Variants in SYCP2L observed in about 807,000 individuals in gnomAD.
The protein encoded by SYCP2L is synaptonemal complex protein 2 like.
SYCP2L carries 98 observed loss-of-function variants against 125.8 expected under a neutral mutation model. The observed-to-expected ratio is 0.78, with a 90% CI of 0.66 to 0.92. SYCP2L has a LOEUF of 0.92. Among genes scored for constraint, SYCP2L ranks in the 40% least tolerant of loss-of-function variants. The pLI is 0.00. For missense variants in SYCP2L, 842 were observed against 936.4 expected, an observed-to-expected ratio of 0.90 and a Z score of 1.32; for synonymous variants, 317 against 325.4, an observed-to-expected ratio of 0.97 and a Z score of 0.28.
intron 14 of SYCP2L, among the ~76,000 whole-genome samples, chr6:10,914,561 G>A (rs1400603418): frequency 6.6e-6 from 1 of 151,408 alleles, no homozygotes; most frequent in Non-Finnish European, 1.5e-5. Context: ...TATTTTACTG[G>A]GAATTGTATT....
chr6:10,967,548 C>A (rs543173996), intron 29 of SYCP2L, among the ~76,000 whole-genome samples: 1 of 149,458 alleles, frequency 6.7e-6, no homozygotes, highest in Admixed American at 6.7e-5. Context: ...ATCATACATG[C>A]AAGGATGGTT....
At chr6:10,923,300 G>C (rs4713065) in intron 14 of SYCP2L, among the ~76,000 whole-genome samples, 74,990 of 151,090 alleles carry the variant, frequency 0.5, 18,873 homozygotes, top group South Asian at 0.53. Context: ...ATTTTCTCTT[G>C]TAAGCCCGAT....
intron 29 of SYCP2L, among the ~76,000 whole-genome samples, chr6:10,970,869 C>G (rs757038264): frequency 6.6e-6 from 1 of 151,958 alleles, no homozygotes. Flanking sequence ...TTGGGCTACT[C>G]CAGTGTGTTG....
chr6:10,936,215 G>A (rs1158121715), intron 21 of SYCP2L, among the ~76,000 whole-genome samples: 3 of 151,934 alleles, frequency 2.0e-5, no homozygotes, highest in African/African-American at 7.3e-5. Context: ...GAATAAAAGG[G>A]GTCAGGCGCA....
chr6:10,970,556 G>A (rs950313811), intron 29 of SYCP2L, among the ~76,000 whole-genome samples: 1 of 152,132 alleles, frequency 6.6e-6, no homozygotes, highest in Non-Finnish European at 1.5e-5. Flanking sequence ...TGTGACAGGT[G>A]GGAAAAGGCA....
intron 23 of SYCP2L, among the ~76,000 whole-genome samples, chr6:10,945,291 T>A (rs1781291316): frequency 6.6e-6 from 1 of 152,200 alleles, no homozygotes; most frequent in Admixed American, 6.5e-5. Context: ...ATATGTATAT[T>A]CATTAGGTTA....
intron 2 of SYCP2L, among the ~76,000 whole-genome samples, chr6:10,892,584 C>T (rs1157554072): frequency 6.6e-6 from 1 of 152,202 alleles, no homozygotes; most frequent in Non-Finnish European, 1.5e-5. Flanking sequence ...CAGGCGTGAG[C>T]CCTGCGCCTG....
intron 21 of SYCP2L, 21 bp from the exon 22 acceptor site, chr6:10,942,436 TGA>T (rs1457617288): frequency 1.3e-6 from 2 of 1,514,872 alleles, no homozygotes; most frequent in South Asian, 1.3e-5. Context: ...TGTATTCACT[TGA>T]AACTTCTCTC....
intron 1 of SYCP2L, among the ~76,000 whole-genome samples, chr6:10,891,165 GA>G (rs1279875388): frequency 6.6e-6 from 1 of 152,090 alleles, no homozygotes; most frequent in Non-Finnish European, 1.5e-5. Context: ...CTCTCATTCT[GA>G]AAATGGTTTA....
intron 8 of SYCP2L, among the ~76,000 whole-genome samples, chr6:10,904,966 GC>G (rs1780459050): frequency 1.3e-5 from 2 of 151,474 alleles, no homozygotes; most frequent in South Asian, 4.2e-4. Flanking sequence ...ACATGGTGAA[GC>G]CCCGTCTCTC....
intron 18 of SYCP2L, among the ~76,000 whole-genome samples, chr6:10,929,546 G>C (rs1780955180): frequency 6.6e-6 from 1 of 152,168 alleles, no homozygotes; most frequent in African/African-American, 2.4e-5. Flanking sequence ...TCAAAGTACA[G>C]TTGAATAATC....
intron 27 of SYCP2L, 30 bp downstream of exon 27, chr6:10,961,434 G>A: frequency 6.8e-6 from 11 of 1,613,564 alleles, no homozygotes; most frequent in Non-Finnish European, 9.3e-6. Context: ...AACATTTTCT[G>A]ACTTCGGATC....
chr6:10,902,869 A>G lies in SYCP2L; in HGVS notation c.553-6A>G. 1 of 1,613,758 alleles carries G rather than the reference A, an allele frequency of 6.2e-7. No individual in the cohort carries two copies. The highest frequency in any genetic ancestry group is 2.2e-5 in the East Asian group (1 of 44,876). ...TCTCCATGAATGTCTTCTCAATTCC[A>G]AAAAGGGCTTGAAGACTTTTAACTG... On this transcript the variant is annotated splice_region_variant and splice_polypyrimidine_tract_variant and intron_variant, in intron 7 of 29. Coordinates refer to ENST00000283141, the MANE Select transcript of SYCP2L (RefSeq NM_001040274.3).
At chr6:10,931,658 G>A (rs920754886) in intron 20 of SYCP2L, among the ~76,000 whole-genome samples, 169 bp downstream of exon 20, 1 of 152,154 alleles carries the variant, frequency 6.6e-6, no homozygotes, top group Non-Finnish European at 1.5e-5. Context: ...TGACTCTTGG[G>A]TAAGTAAGTG....
chr6:10,949,688 A>G (rs75345640), intron 23 of SYCP2L, among the ~76,000 whole-genome samples: 3,551 of 141,028 alleles, frequency 0.025, 147 homozygotes, highest in East Asian at 0.21. Context: ...AAGCAACACT[A>G]GTTTTCTTTT....
rs1403425957 is a variant in SYCP2L, at chr6:10,887,134, C to A, written c.8C>A (p.Ala3Glu). The change falls in exon 1 of 30, where the codon GCG (alanine) becomes GAG (glutamate). Residue 3 changes from alanine to glutamate, a missense_variant and splice_region_variant. By Grantham distance (107) the Ala-to-Glu change is moderately radical. Transcript: ENST00000283141. ...GAACGAAGAAGCCTCGTTATGCAAG[C>A]GGTGAGTGACCCCCGAAGGGCCCGG... MQ[A>E]KNKDALQPIK... 1 of 1,614,120 alleles carries A rather than the reference C, an allele frequency of 6.2e-7. No homozygotes were observed. The highest frequency in any genetic ancestry group is 2.2e-5 in the East Asian group (1 of 44,876).
intron 12 of SYCP2L, among the ~76,000 whole-genome samples, 198 bp downstream of exon 12, chr6:10,911,067 G>A (rs932148941): frequency 3.3e-5 from 5 of 152,068 alleles, no homozygotes; most frequent in Non-Finnish European, 7.4e-5. Flanking sequence ...TAAGTTTAAG[G>A]CCTCTACTGT....
chr6:10,931,212 G>A (rs1780990926), intron 19 of SYCP2L, among the ~76,000 whole-genome samples: 1 of 152,196 alleles, frequency 6.6e-6, no homozygotes, highest in African/African-American at 2.4e-5. Flanking sequence ...ATGTGAGGGT[G>A]ACATTCAGGG....
chr6:10,955,296 C>T, intron 24 of SYCP2L, 79 bp downstream of exon 24: 2 of 870,022 alleles, frequency 2.3e-6, no homozygotes, highest in Non-Finnish European at 3.8e-6. Flanking sequence ...ACATGAATCA[C>T]AAGGGAGGTA....
Sources: gnomAD v4.1 joint callset for allele counts (sites outside exome capture counted in the v4.1 genomes callset) on GRCh38, gnomAD v4.1.1 for gene constraint, MANE v1.5 for transcripts, NCBI Gene and HGNC (gene_info 2026-07-23, HGNC 2026-07-21) for gene names.